GPATCH2L: variants seen among roughly 807,000 people sequenced by gnomAD.
The protein encoded by GPATCH2L is G-patch domain containing 2 like.
Under a neutral mutation model 57.4 loss-of-function variants are expected in GPATCH2L, and 31 were observed. The ratio of observed to expected loss-of-function variants is 0.54; its 90% CI spans 0.41 to 0.73. GPATCH2L has a LOEUF of 0.73. Among genes scored for constraint, GPATCH2L ranks in the 30% least tolerant of loss-of-function variants. The pLI is 0.00. For synonymous variants in GPATCH2L, 199 were observed against 210.7 expected, an observed-to-expected ratio of 0.94 and a Z score of 0.48; for missense variants, 481 against 599.9, an observed-to-expected ratio of 0.80 and a Z score of 2.07.
At chr14:76,170,186 G>A (rs1296940905) in intron 3 of GPATCH2L, among the ~76,000 whole-genome samples, 1 of 152,140 alleles carries the variant, frequency 6.6e-6, no homozygotes, top group Non-Finnish European at 1.5e-5. Context: ...TCTCCACAGT[G>A]ATTTAAGAGT....
chr14:76,211,840 A>G lies in GPATCH2L; in HGVS notation c.*9989A>G, dbSNP rs2040443539. The G allele has an allele frequency of 6.6e-6, 1 of 152,278 alleles. No homozygotes were observed. The highest frequency in any genetic ancestry group is 1.9e-4 in the East Asian group (1 of 5,194). 9.4% of individuals were successfully genotyped at this position (152,278 alleles called of 1,614,324 possible). A position where few individuals can be genotyped will look rare whatever the true frequency, so the allele number is the denominator to read the frequency against. ...CCGTGCTATAAATAAAGTTAGCTAA[A>G]TCTTTTGAAACTGCATAAAAGTGAA... On this transcript the variant is annotated 3_prime_UTR_variant, in exon 10 of 10. Coordinates refer to ENST00000261530, the MANE Select transcript of GPATCH2L (RefSeq NM_017926.4).
chr14:76,228,067 C>T (rs1566829255), intron 1 of GPATCH2L, among the ~76,000 whole-genome samples: 2 of 152,334 alleles, frequency 1.3e-5, no homozygotes, highest in East Asian at 3.9e-4. Flanking sequence ...ACACAGTTTC[C>T]GGATCTGTGT....
Position 76,166,743 on chromosome 14 carries a change from G to C in GPATCH2L, c.727+16G>C, listed in dbSNP as rs374811109. On this transcript the variant is annotated intron_variant, in intron 3 of 9. Coordinates refer to ENST00000261530, the MANE Select transcript of GPATCH2L (RefSeq NM_017926.4). ...GGGCGACAAGGTAATGTCGATCCCA[G>C]CTTTGGGACCTTGGTTCCGTGTTTA... 1.9e-6 allele frequency: 3 copies of C among 1,562,004 alleles called. No individual in the cohort carries two copies. In the African/African-American group the frequency reaches 4.1e-5, roughly 21 times the overall value.
At chr14:76,164,461 A>G (rs1434426988) in intron 2 of GPATCH2L, among the ~76,000 whole-genome samples, 1 of 152,216 alleles carries the variant, frequency 6.6e-6, no homozygotes, top group Admixed American at 6.5e-5. Flanking sequence ...GGGCTGCAAA[A>G]TTGTGTCTAG....
rs150861843 is a variant in GPATCH2L, at chr14:76,173,877, T to G, written c.984+252T>G. ...CTGTCATTACAGTGTCTATTGCCTG[T>G]AAACCTACAAGCCTGAGCTGTGTCT... On this transcript the variant is annotated intron_variant, in intron 5 of 9. Coordinates refer to ENST00000261530, the MANE Select transcript of GPATCH2L (RefSeq NM_017926.4). 7.9e-3 allele frequency: 3,838 copies of G among 483,002 alleles called. 18 individuals are homozygous for G. Among genetic ancestry groups the G allele is most frequent in the Middle Eastern group, 0.017 (32 of 1,864 alleles). 29.9% of individuals were successfully genotyped at this position (483,002 alleles called of 1,614,324 possible).
chr14:76,158,240 C>G (rs1192127005), intron 2 of GPATCH2L, among the ~76,000 whole-genome samples: 1 of 152,182 alleles, frequency 6.6e-6, no homozygotes, highest in Non-Finnish European at 1.5e-5. Context: ...ATATTCTCCT[C>G]TCTTGGAAGG....
At chr14:76,152,939 C>CTT (rs149540881) in intron 1 of GPATCH2L, 966 of 314,118 alleles carry the variant, frequency 3.1e-3, no homozygotes, top group Admixed American at 4.4e-3. Context: ...TTTTAATCCA[C>CTT]TTTTTTTTTT....
chr14:76,196,094 A>AG, intron 9 of GPATCH2L, 122 bp downstream of exon 9: 1 of 812,326 alleles, frequency 1.2e-6, no homozygotes, highest in Non-Finnish European at 2.1e-6. Context: ...CCCACTTTAC[A>AG]TGGGAAAACT....
At chr14:76,194,047 T>G (rs143734100) in intron 8 of GPATCH2L, among the ~76,000 whole-genome samples, 1 of 152,162 alleles carries the variant, frequency 6.6e-6, no homozygotes, top group East Asian at 1.9e-4. Flanking sequence ...ATTTTCTGCT[T>G]GTGTCTGGAC....
At chr14:76,228,005 A>T (rs959315020) in intron 1 of GPATCH2L, among the ~76,000 whole-genome samples, 7 of 152,230 alleles carry the variant, frequency 4.6e-5, no homozygotes, top group African/African-American at 1.7e-4. Flanking sequence ...TGAAAGGGAA[A>T]TAGCAGTGGA....
rs192320025 is a variant in GPATCH2L, at chr14:76,187,408, A to C, written c.1193+6559A>C. The stretch of plus-strand genomic sequence containing the variant: ...TGTTACATTGGGTAGGCCTCCATAC[A>C]TTTTTGTTAAAAATAATTGAGGTGA... On this transcript the variant is annotated intron_variant, in intron 8 of 9. Coordinates refer to ENST00000261530, the MANE Select transcript of GPATCH2L (RefSeq NM_017926.4). Among the ~76,000 whole-genome samples, 85 of 152,182 alleles carry C rather than the reference A, an allele frequency of 5.6e-4. 1 individual carries two copies. The highest frequency in any genetic ancestry group is 1.9e-3 in the African/African-American group (78 of 41,546).
In GPATCH2L at chr14:76,206,767, A is replaced by G. The variant is rs1489230642; in HGVS notation, c.*4916A>G. Reference sequence around the variant, plus strand: ...CTCCAGGGGTCTTTGGTGCATGCTCAAGTTTGAGAACCATAGGCTTTGCCA... The same window carrying G: ...CTCCAGGGGTCTTTGGTGCATGCTCGAGTTTGAGAACCATAGGCTTTGCCA... On this transcript the variant is annotated 3_prime_UTR_variant, in exon 10 of 10. Transcript: ENST00000261530. The G allele has an allele frequency of 6.6e-6, 1 of 152,226 alleles. No homozygotes were observed. The highest frequency in any genetic ancestry group is 6.5e-5 in the Admixed American group (1 of 15,278). The allele number at this position is 152,226 out of a possible 1,614,324, so 9.4% of individuals were successfully genotyped here.
At chr14:76,176,516 C>A in intron 5 of GPATCH2L, 107 bp from the exon 6 acceptor site, 1 of 745,104 alleles carries the variant, frequency 1.3e-6, no homozygotes, top group Non-Finnish European at 2.4e-6. Flanking sequence ...TTAACATGTG[C>A]CTTTTGAGGT....
chr14:76,168,590 T>C (rs539155885), intron 3 of GPATCH2L, among the ~76,000 whole-genome samples: 50 of 152,322 alleles, frequency 3.3e-4, no homozygotes, highest in African/African-American at 1.1e-3. Context: ...ATAGGCGGCA[T>C]GGACTTCCTA....
intron 8 of GPATCH2L, among the ~76,000 whole-genome samples, chr14:76,182,962 A>G (rs1212114148): frequency 6.6e-6 from 1 of 152,240 alleles, no homozygotes; most frequent in Non-Finnish European, 1.5e-5. Flanking sequence ...AAATAAAATA[A>G]TGTCTGTGTA....
chr14:76,188,280 T>C (rs2139764016), intron 8 of GPATCH2L, among the ~76,000 whole-genome samples: 1 of 152,234 alleles, frequency 6.6e-6, no homozygotes, highest in East Asian at 1.9e-4. Context: ...TTTAGTTTTT[T>C]TGAGGAACCT....
chr14:76,198,264 T>TAC (rs1320058916), intron 9 of GPATCH2L, among the ~76,000 whole-genome samples: 6 of 152,174 alleles, frequency 3.9e-5, no homozygotes, highest in Admixed American at 1.3e-4. Flanking sequence ...TCAGACTTGA[T>TAC]ACACCAGAAC....
chr14:76,232,017 T>TGCAGCCTCACTGCAGCCTCACTGCAGG (rs1236478007), intron 2 of GPATCH2L, among the ~76,000 whole-genome samples: 2 of 4,942 alleles, frequency 4.0e-4, no homozygotes, highest in Non-Finnish European at 4.2e-4. Context: ...GCTCAAGCAA[T>TGCAGCCTCACTGCAGCCTCACTGCAGG]CTTCCTGCTT....
chr14:76,165,269 G>A (rs190048830), intron 2 of GPATCH2L, among the ~76,000 whole-genome samples: 2 of 152,138 alleles, frequency 1.3e-5, no homozygotes, highest in Non-Finnish European at 1.5e-5. Flanking sequence ...CATGGTGGGC[G>A]GATCATGAGG....
Sources: gnomAD v4.1 joint callset for allele counts (sites outside exome capture counted in the v4.1 genomes callset) on GRCh38, gnomAD v4.1.1 for gene constraint, MANE v1.5 for transcripts, NCBI Gene and HGNC (gene_info 2026-07-23, HGNC 2026-07-21) for gene names.